Variants in TXNDC9 observed in about 807,000 individuals in gnomAD.
TXNDC9 encodes the protein thioredoxin domain-containing protein 9.
In TXNDC9, 7 loss-of-function variants were observed where a neutral mutation model predicts 23.0. The observed-to-expected ratio is 0.30, with a 90% CI of 0.17 to 0.57. The LOEUF is 0.57. Among genes scored for constraint, TXNDC9 ranks in the 20% least tolerant of loss-of-function variants. The pLI is 0.90. For missense variants in TXNDC9, 198 were observed against 252.6 expected, an observed-to-expected ratio of 0.78 and a Z score of 1.47; for synonymous variants, 72 against 90.6, an observed-to-expected ratio of 0.79 and a Z score of 1.17.
At chr2:99,331,509 C>CAAAAAAAAAAAAAAAAAAAA (rs1331778345) in intron 2 of TXNDC9, among the ~76,000 whole-genome samples, 2 of 54,774 alleles carry the variant, frequency 3.7e-5, no homozygotes, top group African/African-American at 1.4e-4. Flanking sequence ...GACTCCCTCT[C>CAAAAAAAAAAAAAAAAAAAA]AAAAAAAAAA....
intron 3 of TXNDC9, chr2:99,322,482 A>G: frequency 7.3e-7 from 1 of 1,379,020 alleles, no homozygotes; most frequent in South Asian, 1.7e-5. Context: ...TTAAGTCATA[A>G]AGGAAGTTGT....
At chr2:99,331,166 T>G (rs115398494) in intron 2 of TXNDC9, among the ~76,000 whole-genome samples, 1 of 152,226 alleles carries the variant, frequency 6.6e-6, no homozygotes, top group Admixed American at 6.5e-5. Flanking sequence ...CATTAGCAAT[T>G]AGTACTTAAA....
At chr2:99,335,116 G>A (rs1458186783) in intron 1 of TXNDC9, among the ~76,000 whole-genome samples, 1 of 152,210 alleles carries the variant, frequency 6.6e-6, no homozygotes, top group African/African-American at 2.4e-5. Flanking sequence ...TATTACTGCA[G>A]AAATGATTTA....
At chr2:99,309,189 A>G in the TXNDC9 span, among the ~76,000 whole-genome samples, 1 of 151,810 alleles carries the variant, frequency 6.6e-6, no homozygotes, top group African/African-American at 2.4e-5. Flanking sequence ...CCTGGCCCGC[A>G]TGACGAAACC....
At chr2:99,317,262 T>C (rs2094191404), downstream of TXNDC9, among the ~76,000 whole-genome samples, 1 of 152,212 alleles carries the variant, frequency 6.6e-6, no homozygotes, top group Non-Finnish European at 1.5e-5. Flanking sequence ...ATTAGTTTCC[T>C]GTTCTTCTGT....
In TXNDC9 at chr2:99,322,227, T is replaced by C. The variant is rs2094203499; in HGVS notation, c.309-18A>G. 2 of 1,596,470 alleles carry C rather than the reference T, an allele frequency of 1.3e-6. No homozygotes were observed. Among genetic ancestry groups the C allele is most frequent in the African/African-American group, 1.3e-5 (1 of 74,316 alleles). On this transcript the variant is annotated intron_variant, in intron 3 of 4. Transcript: ENST00000264255. ...TTTTACACCTGTAAGTGACCACACA[T>C]AGAAAATTATAAGCTAAAACCACAG...
chr2:99,325,212 C>T (rs6706425), intron 3 of TXNDC9, among the ~76,000 whole-genome samples: 126,671 of 152,212 alleles, frequency 0.83, 53,283 homozygotes, highest in Middle Eastern at 0.98. Context: ...TTATTAAACA[C>T]TGCATGCCTG....
intron 2 of TXNDC9, among the ~76,000 whole-genome samples, chr2:99,329,922 A>C (rs1348014600): frequency 6.6e-6 from 1 of 151,702 alleles, no homozygotes; most frequent in African/African-American, 2.4e-5. Flanking sequence ...AGCCAAGATC[A>C]CACCACTGCA....
chr2:99,314,964 C>T (rs1324221419), downstream of TXNDC9, among the ~76,000 whole-genome samples: 3 of 135,046 alleles, frequency 2.2e-5, no homozygotes, highest in African/African-American at 8.4e-5. Context: ...GGCATGATCT[C>T]GGCTCACTGC....
At chr2:99,312,978 C>T in the TXNDC9 span, among the ~76,000 whole-genome samples, 1 of 152,140 alleles carries the variant, frequency 6.6e-6, no homozygotes, top group East Asian at 1.9e-4. Flanking sequence ...GACTGACCAA[C>T]ATGGAGAAAC....
intron 2 of TXNDC9, among the ~76,000 whole-genome samples, chr2:99,329,947 A>G (rs2094220976): frequency 6.6e-6 from 1 of 150,718 alleles, no homozygotes. Flanking sequence ...AGCCTGGGTG[A>G]CAGAGCAAGA....
At chr2:99,306,260 C>T in the TXNDC9 span, among the ~76,000 whole-genome samples, 1 of 152,156 alleles carries the variant, frequency 6.6e-6, no homozygotes, top group Non-Finnish European at 1.5e-5. Context: ...TCTAAATGGA[C>T]ATTGAACCCA....
chr2:99,325,970 C>T (rs1225272769), intron 3 of TXNDC9, among the ~76,000 whole-genome samples: 2 of 150,986 alleles, frequency 1.3e-5, no homozygotes, highest in Non-Finnish European at 2.9e-5. Flanking sequence ...AAGATCCTGC[C>T]ATTGCACTCT....
chr2:99,332,126 C>A (rs1303575868), intron 2 of TXNDC9, among the ~76,000 whole-genome samples: 1 of 152,112 alleles, frequency 6.6e-6, no homozygotes, highest in Non-Finnish European at 1.5e-5. Context: ...TCCATGTAAC[C>A]CAGTGGAAAA....
chr2:99,331,592 T>C (rs2094225734), intron 2 of TXNDC9, among the ~76,000 whole-genome samples: 1 of 151,476 alleles, frequency 6.6e-6, no homozygotes, highest in Non-Finnish European at 1.5e-5. Flanking sequence ...AAAAGCCATA[T>C]AACGTACTCT....
At chr2:99,321,726 G>A in intron 4 of TXNDC9, 1 of 490,306 alleles carries the variant, frequency 2.0e-6, no homozygotes, top group Non-Finnish European at 3.5e-6. Context: ...GGAGTACGGT[G>A]AGACTCAGTT....
intron 2 of TXNDC9, among the ~76,000 whole-genome samples, chr2:99,331,208 C>T (rs890453416): frequency 6.6e-6 from 1 of 152,068 alleles, no homozygotes; most frequent in Admixed American, 6.6e-5. Flanking sequence ...TGTGGCAGAA[C>T]CTAAACATAT....
At chr2:99,329,397 C>CA (rs2094219923) in intron 2 of TXNDC9, among the ~76,000 whole-genome samples, 2 of 152,180 alleles carry the variant, frequency 1.3e-5, no homozygotes, top group South Asian at 4.1e-4. Flanking sequence ...TAAAATGTGA[C>CA]AGAGGTCTGA....
chr2:99,326,135 G>A (rs1226727634), intron 3 of TXNDC9, among the ~76,000 whole-genome samples: 1 of 152,114 alleles, frequency 6.6e-6, no homozygotes, highest in East Asian at 1.9e-4. Context: ...GTGCCAATGC[G>A]AGATGGTTGT....
Sources: gnomAD v4.1 joint callset for allele counts (sites outside exome capture counted in the v4.1 genomes callset) on GRCh38, gnomAD v4.1.1 for gene constraint, MANE v1.5 for transcripts, NCBI Gene and HGNC (gene_info 2026-07-23, HGNC 2026-07-21) for gene names.